DNAH14: variants seen among roughly 807,000 people sequenced by gnomAD.
DNAH14 encodes the protein dynein axonemal heavy chain 14.
A neutral mutation model predicts 520.9 loss-of-function variants in DNAH14; 478 were observed. That is an observed-to-expected ratio of 0.92 (90% CI 0.85 to 0.99). The LOEUF (loss-of-function observed/expected upper bound fraction) is 0.99, where lower values mean the gene tolerates loss of function less well. Among genes scored for constraint, DNAH14 ranks in the 50% least tolerant of loss-of-function variants. The pLI, the probability that DNAH14 is intolerant of heterozygous loss-of-function variation, is 0.00. For synonymous variants in DNAH14, 1,581 were observed against 1,757.2 expected (o/e 0.90, Z 2.51); for missense variants, 4,831 against 5,234.5 (o/e 0.92, Z 2.38).
intron 7 of DNAH14, among the ~76,000 whole-genome samples, chr1:224,971,919 G>T (rs2061522883): frequency 6.6e-6 from 1 of 152,308 alleles, no homozygotes; most frequent in African/African-American, 2.4e-5. Flanking sequence ...TTAGGAACTA[G>T]AATTGGGGCT....
At chr1:225,396,017 A>T (rs1221352152) in intron 84 of DNAH14, 1 of 152,182 alleles carries the variant, frequency 6.6e-6, no homozygotes, top group East Asian at 1.9e-4. Context: ...TACATGAAGA[A>T]CTAGACTCTA....
rs755184630 is a variant in DNAH14, at chr1:225,358,592, T to G, written c.11716T>G (p.Leu3906Val). 1 of 1,549,526 alleles carries G rather than the reference T, an allele frequency of 6.5e-7. No homozygotes were observed. Among genetic ancestry groups the G allele is most frequent in the Non-Finnish European group, 8.7e-7 (1 of 1,146,252 alleles). ...NKYLQRTGVN[L>V]KDAYKGSNAR... ...GTATCTTCAAAGAACTGGAGTTAAT[T>G]TGAAAGATGCATATAAAGGATCCAA... The change falls in exon 74 of 86, where the codon TTG becomes GTG. Residue 3906 changes from leucine (L) to valine (V), a missense_variant. Leu to Val is a conservative substitution (Grantham distance 32). Coordinates refer to ENST00000682510, the MANE Select transcript of DNAH14 (RefSeq NM_001367479.1).
rs2095574642 is a variant in DNAH14, at chr1:225,368,038, T to C, written c.12318+6T>C. On this transcript the variant is annotated splice_donor_region_variant and intron_variant, in intron 77 of 85. Coordinates refer to ENST00000682510, the MANE Select transcript of DNAH14 (RefSeq NM_001367479.1). ...TTAATTCTTCAGACTTGGGGGTAAG[T>C]GTAGTCTCTTCAAACAAACAACAAA... The C allele has an allele frequency of 1.3e-6, 2 of 1,536,746 alleles. No individual in the cohort carries two copies. The highest frequency in any genetic ancestry group is 1.8e-6 in the Non-Finnish European group (2 of 1,138,796).
At chr1:225,302,549 A>G (rs938838897) in intron 56 of DNAH14, among the ~76,000 whole-genome samples, 5 of 152,206 alleles carry the variant, frequency 3.3e-5, no homozygotes, top group South Asian at 2.1e-4. Context: ...TCTGGAAATA[A>G]GGAAGAAGGA....
rs889469506 is a variant in DNAH14 at position 225,334,850 on chromosome 1, C to A, written c.10080+1344C>A. Among the ~76,000 whole-genome samples, 18 of 150,686 alleles carry A rather than the reference C, an allele frequency of 1.2e-4. No homozygotes were observed. In the East Asian group the frequency reaches 3.3e-3, roughly 28 times the overall value. ...TGCCATTGCACTCCAGCATGGGAGA[C>A]AAGCCAAGTCTCTGTCTCTCTCTCT... On this transcript the variant is annotated intron_variant, in intron 66 of 85. Transcript: ENST00000682510.
intron 6 of DNAH14, among the ~76,000 whole-genome samples, chr1:224,968,449 T>TA: frequency 6.6e-6 from 1 of 152,264 alleles, no homozygotes. Context: ...ATAGAAAATG[T>TA]AAAAATTATG....
At position 225,219,791 on chromosome 1, in the gene DNAH14, C is replaced by T. The variant is rs572806182; in HGVS notation, c.6440-11282C>T. Among the ~76,000 whole-genome samples, 14 of 152,244 alleles carry T rather than the reference C, an allele frequency of 9.2e-5. No individual in the cohort carries two copies. In the East Asian group the frequency reaches 2.5e-3, roughly 27 times the overall value. ...TCCAAACAATAGAAAATAGGGACTC[C>T]TCTATAACTCATTTTATGAAGCCAG... is the stretch of plus-strand genomic sequence containing the variant. On this transcript the variant is annotated intron_variant, in intron 41 of 85. Transcript: ENST00000682510.
chr1:225,226,188 C>A (rs1157895516), intron 41 of DNAH14, among the ~76,000 whole-genome samples: 1 of 152,214 alleles, frequency 6.6e-6, no homozygotes, highest in Non-Finnish European at 1.5e-5. Flanking sequence ...GCAGACACCT[C>A]CTTCCCAGCC....
chr1:225,173,875 GAT>G (rs935887557), intron 36 of DNAH14, among the ~76,000 whole-genome samples: 2 of 152,194 alleles, frequency 1.3e-5, no homozygotes, highest in South Asian at 2.1e-4. Context: ...GTCCAACAAT[GAT>G]AGACTGGATT....
intron 10 of DNAH14, among the ~76,000 whole-genome samples, chr1:225,016,261 A>G (rs1345226502): frequency 6.6e-6 from 1 of 152,104 alleles, no homozygotes; most frequent in Non-Finnish European, 1.5e-5. Context: ...GAATTCCCTC[A>G]GTTTTTGCTT....
intron 21 of DNAH14, among the ~76,000 whole-genome samples, chr1:225,091,106 T>C (rs756961215): frequency 6.6e-6 from 1 of 152,040 alleles, no homozygotes; most frequent in Non-Finnish European, 1.5e-5. Flanking sequence ...TATGAATGGA[T>C]CTATGATTCA....
intron 44 of DNAH14, 32 bp downstream of exon 44, chr1:225,252,449 C>T (rs747877173): frequency 6.7e-5 from 82 of 1,218,646 alleles, no homozygotes; most frequent in East Asian, 2.8e-4. Context: ...ATACTTGTAA[C>T]GTTAGAATAT....
intron 23 of DNAH14, among the ~76,000 whole-genome samples, chr1:225,111,190 A>T (rs1455476112): frequency 1.3e-5 from 2 of 152,180 alleles, no homozygotes; most frequent in East Asian, 3.9e-4. Context: ...TGTCTGGATG[A>T]TCTGTCCAGT....
At chr1:225,337,751 T>C (rs1292371295) in intron 67 of DNAH14, among the ~76,000 whole-genome samples, 2 of 152,176 alleles carry the variant, frequency 1.3e-5, no homozygotes, top group Admixed American at 6.5e-5. Flanking sequence ...ACATAGTAGG[T>C]GTATATAGTT....
At chr1:225,088,800 G>A (rs992555826) in intron 21 of DNAH14, among the ~76,000 whole-genome samples, 11 of 152,208 alleles carry the variant, frequency 7.2e-5, no homozygotes, top group African/African-American at 2.4e-4. Flanking sequence ...ATGTAAACTG[G>A]AATATTAAAA....
At position 225,246,670 on chromosome 1, in the gene DNAH14, C is replaced by G. The variant is rs566193199; in HGVS notation, c.6749-5631C>G. Among the ~76,000 whole-genome samples the G allele has an allele frequency of 7.1e-4, 108 of 152,228 alleles. 1 individual carries two copies. Among genetic ancestry groups the G allele is most frequent in the African/African-American group, 2.5e-3 (105 of 41,540 alleles). Reference sequence around the variant, plus strand: ...TCATTAGAGGAATACAAATCAAAACCACAATGAGATGCCATCTCACTCCAA... The same window carrying G: ...TCATTAGAGGAATACAAATCAAAACGACAATGAGATGCCATCTCACTCCAA... On this transcript the variant is annotated intron_variant, in intron 43 of 85. Transcript: ENST00000682510.
intron 41 of DNAH14, among the ~76,000 whole-genome samples, chr1:225,223,266 A>C (rs927700166): frequency 1.3e-5 from 2 of 152,196 alleles, no homozygotes; most frequent in Admixed American, 1.3e-4. Flanking sequence ...ACTTATAAAG[A>C]GATAAGAAAA....
At chr1:225,313,043 T>G (rs2094399091) in intron 60 of DNAH14, among the ~76,000 whole-genome samples, 1 of 152,230 alleles carries the variant, frequency 6.6e-6, no homozygotes, top group African/African-American at 2.4e-5. Flanking sequence ...GTACCTCTGG[T>G]AGAATTCGGC....
At chr1:225,308,167 A>G in intron 59 of DNAH14, 118 bp from the exon 60 acceptor site, 1 of 1,069,178 alleles carries the variant, frequency 9.4e-7, no homozygotes, top group Middle Eastern at 3.0e-4. Context: ...TATTAAATAT[A>G]TTTCAGGCTG....
Sources: gnomAD v4.1 joint callset for allele counts (sites outside exome capture counted in the v4.1 genomes callset) on GRCh38, gnomAD v4.1.1 for gene constraint, MANE v1.5 for transcripts, NCBI Gene and HGNC (gene_info 2026-07-23, HGNC 2026-07-21) for gene names.